Variants in CCDC190 observed in about 807,000 individuals in gnomAD.
CCDC190 encodes the protein coiled-coil domain containing 190.
Under a neutral mutation model 13.1 loss-of-function variants are expected in CCDC190, and 10 were observed. The ratio of observed to expected loss-of-function variants is 0.77; its 90% CI spans 0.47 to 1.30. The LOEUF (loss-of-function observed/expected upper bound fraction) is 1.30. Among genes scored for constraint, CCDC190 ranks in the 50% most tolerant of loss-of-function variants. The pLI, the probability that CCDC190 is intolerant of heterozygous loss-of-function variation, is 0.00. For synonymous variants in CCDC190, 136 were observed against 127.2 expected (o/e 1.07, Z -0.47); for missense variants, 375 against 354.3 (o/e 1.06, Z -0.47).
At chr1:162,866,097 A>G (rs931557866), upstream of CCDC190, among the ~76,000 whole-genome samples, 6 of 152,216 alleles carry the variant, frequency 3.9e-5, no homozygotes, top group African/African-American at 1.4e-4. Flanking sequence ...TACCATAATG[A>G]ATCACAAAAC....
At position 162,855,652 on chromosome 1, in the gene CCDC190, G is replaced by A; in HGVS notation, c.291C>T (p.Ala97=). The stretch of plus-strand genomic sequence containing the variant: ...CTTACCTCATTTTCTTAGCCTGTGG[G>A]GCTCTGTGCTTCTGCCTTCCCTGTG... The part of the protein sequence containing the change: ...FSPQGRQKHR[A]PQAKKMRALA... Residue 97 remains alanine (A), a synonymous_variant, in exon 3 of 4, where the codon GCC becomes GCT. Coordinates refer to ENST00000367912, the MANE Select transcript of CCDC190 (RefSeq NM_001394065.1). 4 of 1,613,788 alleles carry A rather than the reference G, an allele frequency of 2.5e-6. No homozygotes were observed. The highest frequency in any genetic ancestry group is 3.4e-6 in the Non-Finnish European group (4 of 1,179,768).
chr1:162,856,871 T>C (rs1650322393), intron 2 of CCDC190, among the ~76,000 whole-genome samples: 1 of 152,156 alleles, frequency 6.6e-6, no homozygotes, highest in Admixed American at 6.5e-5. Flanking sequence ...GTTTCTTCCA[T>C]GTAAGAACTT....
rs1030889671 is a variant in CCDC190, at chr1:162,855,718, A to G, written c.225T>C (p.Asn75=). 2.5e-6 allele frequency: 4 copies of G among 1,612,566 alleles called. No individual in the cohort carries two copies. Among genetic ancestry groups the G allele is most frequent in the Non-Finnish European group, 1.7e-6 (2 of 1,179,116 alleles). The change falls in exon 3 of 4, where the codon AAT becomes AAC. Residue 75 remains asparagine, a synonymous_variant. Transcript: ENST00000367912. ...MKKKFSSYLG[N]GFQKRPEDVL... ...CATCTTCTGGTCTCTTCTGAAATCC[A>G]TTCCCCAAATAAGAGGAGAACTTTT... is the stretch of plus-strand genomic sequence containing the variant.
rs1650279851 is a variant in CCDC190 at position 162,855,721 on chromosome 1, C to A, written c.222G>T (p.Gly74=). 6.2e-7 allele frequency: 1 copy of A among 1,612,026 alleles called. No individual in the cohort carries two copies. The highest frequency in any genetic ancestry group is 2.2e-5 in the East Asian group (1 of 44,870). Residue 74 remains glycine (G), a synonymous_variant, in exon 3 of 4, where the codon GGG becomes GGT. Transcript: ENST00000367912. Reference sequence around the variant, plus strand: ...CTTCTGGTCTCTTCTGAAATCCATTCCCCAAATAAGAGGAGAACTTTTTCT... The same window carrying A: ...CTTCTGGTCTCTTCTGAAATCCATTACCCAAATAAGAGGAGAACTTTTTCT... ...TMKKKFSSYL[G]NGFQKRPEDV... is the part of the protein sequence containing the mutation.
rs2102255614 is a variant in CCDC190, at chr1:162,851,746, T to TA, written c.*3018_*3019insT. 6.6e-6 allele frequency: 1 copy of TA among 151,756 alleles called. No homozygotes were observed. Among genetic ancestry groups the TA allele is most frequent in the African/African-American group, 2.4e-5 (1 of 41,488 alleles). The allele number at this position is 151,756 out of a possible 1,614,324, so 9.4% of individuals were successfully genotyped here. A position where few individuals can be genotyped will look rare whatever the true frequency, so the allele number is the denominator to read the frequency against. ...TGTCCCCAGTACATCTCTGAATGAA[T>TA]GAATGAATGAATGAATGTAATAAAA... is the stretch of plus-strand genomic sequence containing the variant. On this transcript the variant is annotated 3_prime_UTR_variant, in exon 4 of 4. Coordinates refer to ENST00000367912, the MANE Select transcript of CCDC190 (RefSeq NM_001394065.1).
chr1:162,853,027 A>T lies in CCDC190; in HGVS notation c.*1738T>A, dbSNP rs940993981. 3.3e-6 allele frequency: 4 copies of T among 1,213,858 alleles called. No individual in the cohort carries two copies. Among genetic ancestry groups the T allele is most frequent in the Admixed American group, 2.0e-5 (1 of 49,226 alleles). 75.2% of individuals were successfully genotyped at this position (1,213,858 alleles called of 1,614,324 possible). A position where few individuals can be genotyped will look rare whatever the true frequency, so the allele number is the denominator to read the frequency against. ...GTGCAAATAAATTAAGTTTTTGTGA[A>T]TCAATCAGTTCTGTCACTTATGGCC... On this transcript the variant is annotated 3_prime_UTR_variant, in exon 4 of 4. Coordinates refer to ENST00000367912, the MANE Select transcript of CCDC190 (RefSeq NM_001394065.1).
intron 2 of CCDC190, among the ~76,000 whole-genome samples, chr1:162,856,193 A>G (rs1347844546): frequency 6.6e-6 from 1 of 152,168 alleles, no homozygotes; most frequent in African/African-American, 2.4e-5. Context: ...CTAATATAAG[A>G]AGAAGAAAAA....
At chr1:162,857,046 C>T (rs1308125606) in intron 2 of CCDC190, among the ~76,000 whole-genome samples, 3 of 152,158 alleles carry the variant, frequency 2.0e-5, no homozygotes, top group African/African-American at 4.8e-5. Context: ...GTACTTCTGC[C>T]CACCCAGTTA....
rs1187046483 is a variant in CCDC190 at position 162,853,401 on chromosome 1, T to C, written c.*1364A>G. On this transcript the variant is annotated 3_prime_UTR_variant, in exon 4 of 4. Transcript: ENST00000367912. ...GCATTGTTTTGAGGATCAGTTGGCA[T>C]GCTGTGTGGAATGTGTCAGGATAGG... Among the ~76,000 whole-genome samples, 3 of 152,220 alleles carry C rather than the reference T, an allele frequency of 2.0e-5. No homozygotes were observed. Among genetic ancestry groups the C allele is most frequent in the Non-Finnish European group, 4.4e-5 (3 of 68,040 alleles).
chr1:162,865,335 G>A (rs888753672), upstream of CCDC190, among the ~76,000 whole-genome samples: 1 of 152,104 alleles, frequency 6.6e-6, no homozygotes, highest in Non-Finnish European at 1.5e-5. Flanking sequence ...GTGAAAAAGT[G>A]TAGAGAAAAT....
intron 2 of CCDC190, among the ~76,000 whole-genome samples, chr1:162,857,994 G>A (rs1476101652): frequency 6.6e-6 from 1 of 152,154 alleles, no homozygotes; most frequent in East Asian, 1.9e-4. Context: ...CTGGCAACAT[G>A]CATCTTAAAT....
Position 162,853,609 on chromosome 1 carries a change from C to G in CCDC190, c.*1156G>C, listed in dbSNP as rs1388544241. ...TTTGTAATATTAGTAGGTTGGGGTC[C>G]TTTATCATTTCTGAGCTAAATAATC... On this transcript the variant is annotated 3_prime_UTR_variant, in exon 4 of 4. Coordinates refer to ENST00000367912, the MANE Select transcript of CCDC190 (RefSeq NM_001394065.1). Among the ~76,000 whole-genome samples, 1 of 151,986 alleles carries G rather than the reference C, an allele frequency of 6.6e-6. No individual in the cohort carries two copies. Among genetic ancestry groups the G allele is most frequent in the Non-Finnish European group, 1.5e-5 (1 of 67,986 alleles).
chr1:162,866,186 C>T (rs149364479), intron 1 of CCDC190, among the ~76,000 whole-genome samples: 2,296 of 152,192 alleles, frequency 0.015, 69 homozygotes, highest in African/African-American at 0.051. Flanking sequence ...ATAGGCCAGG[C>T]ATGGTGGCTC....
At chr1:162,857,224 C>T (rs1179495612) in intron 2 of CCDC190, among the ~76,000 whole-genome samples, 3 of 152,226 alleles carry the variant, frequency 2.0e-5, no homozygotes, top group Non-Finnish European at 2.9e-5. Context: ...GACCAATGCC[C>T]TAGTTTAGGC....
At position 162,853,095 on chromosome 1, in the gene CCDC190, G is replaced by C; in HGVS notation, c.*1670C>G. 10 of 1,546,702 alleles carry C rather than the reference G, an allele frequency of 6.5e-6. No homozygotes were observed. Among genetic ancestry groups the C allele is most frequent in the Non-Finnish European group, 8.7e-6 (10 of 1,143,342 alleles). ...TTGCTTCATGGAAGAAAGTGTTGGA[G>C]GAAGCAGATTTCTTGTGTTCCTTTC... is the stretch of plus-strand genomic sequence containing the variant. On this transcript the variant is annotated 3_prime_UTR_variant, in exon 4 of 4. Transcript: ENST00000367912.
intron 1 of CCDC190, among the ~76,000 whole-genome samples, chr1:162,868,286 A>G (rs1300354894): frequency 6.6e-6 from 1 of 152,220 alleles, no homozygotes; most frequent in Non-Finnish European, 1.5e-5. Flanking sequence ...GATTGAATGT[A>G]TAAAACTGGG....
At chr1:162,857,498 A>G (rs1650344514) in intron 2 of CCDC190, among the ~76,000 whole-genome samples, 1 of 152,096 alleles carries the variant, frequency 6.6e-6, no homozygotes, top group Non-Finnish European at 1.5e-5. Flanking sequence ...CCCCACTTCC[A>G]TGTCACATGC....
chr1:162,860,364 A>C (rs915992908), intron 1 of CCDC190, among the ~76,000 whole-genome samples: 1 of 152,126 alleles, frequency 6.6e-6, no homozygotes, highest in Non-Finnish European at 1.5e-5. Context: ...ATCCTCACCC[A>C]TCTTCTCAGA....
At chr1:162,855,605 C>T in intron 3 of CCDC190, 27 bp downstream of exon 3, 1 of 1,610,566 alleles carries the variant, frequency 6.2e-7, no homozygotes, top group South Asian at 1.1e-5. Context: ...AATGTCATAC[C>T]CATGGGTTTA....
Sources: gnomAD v4.1 joint callset for allele counts (sites outside exome capture counted in the v4.1 genomes callset) on GRCh38, gnomAD v4.1.1 for gene constraint, MANE v1.5 for transcripts, NCBI Gene and HGNC (gene_info 2026-07-23, HGNC 2026-07-21) for gene names.